The following SYN3 variants were observed in gnomAD, a reference collection of about 807,000 sequenced individuals.
SYN3 encodes synapsin III.
SYN3 carries 35 observed loss-of-function variants against 65.8 expected under a neutral mutation model. The observed-to-expected ratio is 0.53, with a 90% CI of 0.41 to 0.70. SYN3 has a LOEUF of 0.70. Among genes scored for constraint, SYN3 ranks in the 30% least tolerant of loss-of-function variants. SYN3 has a pLI of 0.00. For missense variants in SYN3, 680 were observed against 749.0 expected (o/e 0.91, Z 1.08); for synonymous variants, 270 against 292.9 (o/e 0.92, Z 0.80).
At chr22:32,778,759 G>A (rs530612306) in intron 6 of SYN3, among the ~76,000 whole-genome samples, 6 of 152,218 alleles carry the variant, frequency 3.9e-5, no homozygotes, top group African/African-American at 1.4e-4. Flanking sequence ...AAAAGAGGAT[G>A]ACATTATTTT....
intron 6 of SYN3, among the ~76,000 whole-genome samples, chr22:32,763,934 C>T (rs2045554345): frequency 2.7e-4 from 2 of 7,294 alleles, no homozygotes; most frequent in South Asian, 3.3e-3. Flanking sequence ...GGTGTAGAAG[C>T]CCCCCCCCCC....
At chr22:32,515,540 C>T (rs1357186434) in intron 13 of SYN3, among the ~76,000 whole-genome samples, 1 of 152,166 alleles carries the variant, frequency 6.6e-6, no homozygotes, top group Non-Finnish European at 1.5e-5. Context: ...TCCATATTGC[C>T]AGGAGGGCCA....
intron 7 of SYN3, among the ~76,000 whole-genome samples, chr22:32,569,587 AT>A (rs2058731542): frequency 1.8e-5 from 2 of 108,242 alleles, no homozygotes; most frequent in East Asian, 3.6e-4. Context: ...ATATATATAT[AT>A]AAAATCTATC....
intron 6 of SYN3, among the ~76,000 whole-genome samples, chr22:32,603,692 C>A (rs1023048537): frequency 4.6e-5 from 7 of 152,162 alleles, no homozygotes; most frequent in Admixed American, 6.5e-5. Context: ...CATGCCAGCC[C>A]CTCCCCAAAC....
intron 7 of SYN3, among the ~76,000 whole-genome samples, chr22:32,559,611 G>A (rs528501067): frequency 6.6e-6 from 1 of 152,216 alleles, no homozygotes; most frequent in African/African-American, 2.4e-5. Context: ...GGCGGATCAC[G>A]AGGTCAGATC....
intron 6 of SYN3, among the ~76,000 whole-genome samples, chr22:32,655,150 T>C (rs2146969922): frequency 6.6e-6 from 1 of 152,346 alleles, no homozygotes; most frequent in South Asian, 2.1e-4. Context: ...GCTGCTTGGC[T>C]CTTCCATGTC....
At chr22:32,582,078 G>A (rs1370650916) in intron 7 of SYN3, among the ~76,000 whole-genome samples, 5 of 152,040 alleles carry the variant, frequency 3.3e-5, no homozygotes, top group South Asian at 2.1e-4. Flanking sequence ...GATTATAGGC[G>A]TGAGCTACCA....
chr22:32,902,338 G>A (rs2049783333), intron 4 of SYN3, among the ~76,000 whole-genome samples: 1 of 152,214 alleles, frequency 6.6e-6, no homozygotes. Context: ...AAGCACAAGT[G>A]AGCAGTAACA....
intron 6 of SYN3, among the ~76,000 whole-genome samples, chr22:32,832,382 G>A (rs1402040078): frequency 6.6e-6 from 1 of 152,100 alleles, no homozygotes; most frequent in African/African-American, 2.4e-5. Context: ...CCAGTCCAAC[G>A]TGTTCATTTT....
chr22:32,542,232 A>G (rs565786179), intron 7 of SYN3, among the ~76,000 whole-genome samples: 83 of 152,280 alleles, frequency 5.5e-4, no homozygotes, highest in African/African-American at 1.9e-3. Flanking sequence ...TCACTGAAGC[A>G]GCTGTGTAGA....
chr22:32,977,733 ACT>A (rs1212445478), intron 3 of SYN3, among the ~76,000 whole-genome samples: 3 of 137,652 alleles, frequency 2.2e-5, no homozygotes, highest in Admixed American at 7.7e-5. Context: ...ACAGGGTGAG[ACT>A]GTCTCCAAAA....
At chr22:32,569,567 CTCTCTA>C (rs1298446000) in intron 7 of SYN3, among the ~76,000 whole-genome samples, 15 of 64,450 alleles carry the variant, frequency 2.3e-4, no homozygotes, top group South Asian at 1.7e-3. Context: ...CTCTCTCTCT[CTCTCTA>C]TATATATATA....
intron 6 of SYN3, among the ~76,000 whole-genome samples, chr22:32,644,549 G>A (rs1204483646): frequency 1.3e-5 from 2 of 152,228 alleles, no homozygotes; most frequent in African/African-American, 2.4e-5. Context: ...AGACAAGCAG[G>A]AAGTGTGCTG....
At chr22:32,699,243 G>A (rs1447779449) in intron 6 of SYN3, among the ~76,000 whole-genome samples, 2 of 152,174 alleles carry the variant, frequency 1.3e-5, no homozygotes, top group African/African-American at 4.8e-5. Context: ...TTTACGTGAT[G>A]GAGGGCAGGG....
At chr22:32,645,405 C>T (rs1030411576) in intron 6 of SYN3, among the ~76,000 whole-genome samples, 8 of 150,470 alleles carry the variant, frequency 5.3e-5, no homozygotes, top group African/African-American at 9.8e-5. Context: ...GAGCGAAGAT[C>T]GCACCACTGC....
chr22:32,806,785 CATCTATCT>C (rs130271), intron 6 of SYN3, among the ~76,000 whole-genome samples: 24 of 151,972 alleles, frequency 1.6e-4, no homozygotes, highest in East Asian at 5.8e-4. Context: ...TATCATTTAT[CATCTATCT>C]ATCTATCTCT....
chr22:32,785,395 T>C (rs986912176), intron 6 of SYN3, among the ~76,000 whole-genome samples: 1 of 152,220 alleles, frequency 6.6e-6, no homozygotes, highest in Non-Finnish European at 1.5e-5. Flanking sequence ...TCGTACTTTC[T>C]TTTTGTTCTT....
chr22:32,995,557 G>A (rs1601867214), intron 2 of SYN3, among the ~76,000 whole-genome samples: 1 of 152,182 alleles, frequency 6.6e-6, no homozygotes, highest in East Asian at 1.9e-4. Flanking sequence ...ACAGGTGGAC[G>A]CAGCATGTCC....
intron 3 of SYN3, among the ~76,000 whole-genome samples, chr22:32,966,742 C>G (rs1361038131): frequency 2.0e-5 from 3 of 152,082 alleles, no homozygotes; most frequent in Non-Finnish European, 4.4e-5. Context: ...CAGTGAGACC[C>G]TGTCTCTACA....
Sources: allele counts gnomAD v4.1 joint callset (sites outside exome capture counted in the v4.1 genomes callset), GRCh38; gene constraint gnomAD v4.1.1; transcripts MANE v1.5; gene names NCBI Gene and HGNC (gene_info 2026-07-23, HGNC 2026-07-21).